Variants in WHR1 observed in about 807,000 individuals in gnomAD.
WHR1 encodes the protein MHC class III HLA-RP1.
At chr6:31,980,376 A>G in the WHR1 span, 1 of 1,348,222 alleles carries the variant, frequency 7.4e-7, no homozygotes, top group African/African-American at 1.5e-5. Context: ...GACTTGTGTA[A>G]ACATTAATGG....
chr6:31,972,774 C>A, the WHR1 span: 1 of 1,608,400 alleles, frequency 6.2e-7, no homozygotes, highest in African/African-American at 1.3e-5. This position sits in a 1 kb window ranked among gnomAD's most constrained non-coding sequence, Gnocchi z 6.3. Context: ...GGCGTCGGTG[C>A]GACCGCCGGA....
the WHR1 span, chr6:31,979,518 G>T: frequency 6.2e-7 from 1 of 1,612,934 alleles, no homozygotes; most frequent in Non-Finnish European, 8.5e-7. Flanking sequence ...AGGACCAAAT[G>T]ACACAGACCT....
the WHR1 span, chr6:31,972,595 G>C: frequency 6.2e-7 from 1 of 1,600,064 alleles, no homozygotes; most frequent in African/African-American, 1.3e-5. This position sits in a 1 kb window ranked among gnomAD's most constrained non-coding sequence, Gnocchi z 6.3. Flanking sequence ...CCAGTTCCCT[G>C]TCCGTGAGCC....
the WHR1 span, chr6:31,978,824 C>T: frequency 1.2e-5 from 17 of 1,360,400 alleles, no homozygotes; most frequent in African/African-American, 1.5e-4. Flanking sequence ...ACAAAATCTC[C>T]CTGCCTGAGA....
chr6:31,972,326 G>A, the WHR1 span: 7 of 1,613,020 alleles, frequency 4.3e-6, no homozygotes, highest in Non-Finnish European at 5.9e-6. The surrounding 1 kb of genome is among the most constrained non-coding windows in gnomAD (Gnocchi z 6.3). Context: ...GAGACCGTAC[G>A]TCACTGCTCT....
the WHR1 span, among the ~76,000 whole-genome samples, chr6:31,978,515 C>T: frequency 2.6e-5 from 4 of 152,180 alleles, no homozygotes; most frequent in Non-Finnish European, 5.9e-5. Flanking sequence ...GCTGTATTCT[C>T]GTAAACAGAA....
At chr6:31,971,675 T>A in the WHR1 span, 3 of 1,602,816 alleles carry the variant, frequency 1.9e-6, no homozygotes, top group South Asian at 3.3e-5. This position sits in a 1 kb window ranked among gnomAD's most constrained non-coding sequence, Gnocchi z 4.5. Flanking sequence ...CTGGGATCCA[T>A]GAGGTCCTAA....
the WHR1 span, chr6:31,972,214 C>G: frequency 2.2e-5 from 36 of 1,612,598 alleles, no homozygotes; most frequent in Non-Finnish European, 3.0e-5. This position sits in a 1 kb window ranked among gnomAD's most constrained non-coding sequence, Gnocchi z 6.3. Context: ...GGAGGTGATG[C>G]TGGTATGTGC....
At chr6:31,972,108 G>C in the WHR1 span, 19 of 1,612,996 alleles carry the variant, frequency 1.2e-5, no homozygotes, top group Middle Eastern at 1.6e-4. This position sits in a 1 kb window ranked among gnomAD's most constrained non-coding sequence, Gnocchi z 6.3. Flanking sequence ...TGACACCAAC[G>C]TGGCCACCGG....
the WHR1 span, chr6:31,972,450 T>C: frequency 3.1e-6 from 5 of 1,613,034 alleles, no homozygotes; most frequent in Non-Finnish European, 4.2e-6. The surrounding 1 kb of genome is among the most constrained non-coding windows in gnomAD (Gnocchi z 6.3). Flanking sequence ...CGGAGACCTT[T>C]GGAGTTAAGA....
the WHR1 span, among the ~76,000 whole-genome samples, chr6:31,977,338 ATTTTTT>A: frequency 1.8e-3 from 230 of 127,422 alleles, 1 homozygote; most frequent in South Asian, 4.5e-3. Context: ...CGCCCAGCTA[ATTTTTT>A]TTTTTTTTTT....
the WHR1 span, among the ~76,000 whole-genome samples, chr6:31,975,782 A>G: frequency 1.3e-5 from 2 of 152,048 alleles, no homozygotes; most frequent in East Asian, 1.9e-4. Context: ...CCCGTTCTCA[A>G]TGAGCTGTTG....
chr6:31,972,118 G>A, the WHR1 span: 1 of 1,613,022 alleles, frequency 6.2e-7, no homozygotes, highest in Non-Finnish European at 8.5e-7. The surrounding 1 kb of genome is among the most constrained non-coding windows in gnomAD (Gnocchi z 6.3). Flanking sequence ...GTGGCCACCG[G>A]CGCCCCTCCA....
chr6:31,972,999 A>T, the WHR1 span: 2 of 734,668 alleles, frequency 2.7e-6, no homozygotes, highest in Non-Finnish European at 4.8e-6. The surrounding 1 kb of genome is among the most constrained non-coding windows in gnomAD (Gnocchi z 6.3). Flanking sequence ...TGGTTCGAAC[A>T]TACAGCGCTG....
At chr6:31,973,254 A>C in the WHR1 span, 4 of 317,514 alleles carry the variant, frequency 1.3e-5, no homozygotes, top group Non-Finnish European at 1.9e-5. Flanking sequence ...AGGACAACTC[A>C]GACTTTCCAG....
At chr6:31,972,883 C>G in the WHR1 span, 5 of 1,478,020 alleles carry the variant, frequency 3.4e-6, no homozygotes, top group Admixed American at 3.8e-5. This position sits in a 1 kb window ranked among gnomAD's most constrained non-coding sequence, Gnocchi z 6.3. Flanking sequence ...GTGCCAGGCA[C>G]TGGGGTGCCA....
At chr6:31,974,257 G>C in the WHR1 span, among the ~76,000 whole-genome samples, 1 of 147,286 alleles carries the variant, frequency 6.8e-6, no homozygotes, top group Non-Finnish European at 1.5e-5. Context: ...CCCACCCTGG[G>C]TGATAGAGCT....
the WHR1 span, among the ~76,000 whole-genome samples, chr6:31,977,866 T>G: frequency 4.6e-5 from 7 of 151,980 alleles, no homozygotes; most frequent in African/African-American, 1.7e-4. Flanking sequence ...TGATCTCGGC[T>G]CACAGCAACT....
the WHR1 span, among the ~76,000 whole-genome samples, chr6:31,973,924 T>C: frequency 6.6e-6 from 1 of 152,082 alleles, no homozygotes; most frequent in African/African-American, 2.4e-5. Flanking sequence ...TGAGATCCAC[T>C]GACATAAAGG....
Sources: gnomAD v4.1 joint callset for allele counts (sites outside exome capture counted in the v4.1 genomes callset) on GRCh38, gnomAD v4.1.1 for gene constraint, Gnocchi (gnomAD v3.1) non-coding constraint, MANE v1.5 for transcripts, NCBI Gene and HGNC (gene_info 2026-07-23, HGNC 2026-07-21) for gene names.